PLD1: variants seen among roughly 807,000 people sequenced by gnomAD.
PLD1 encodes the protein phospholipase D1.
Under a neutral mutation model 137.1 loss-of-function variants are expected in PLD1, and 112 were observed. The ratio of observed to expected loss-of-function variants is 0.82; its 90% CI spans 0.70 to 0.96. The LOEUF (loss-of-function observed/expected upper bound fraction) is 0.96, where lower values mean the gene tolerates loss of function less well. Among genes scored for constraint, PLD1 ranks in the 40% least tolerant of loss-of-function variants. The pLI, the probability that PLD1 is intolerant of heterozygous loss-of-function variation, is 0.00. For synonymous variants in PLD1, 431 were observed against 454.7 expected (o/e 0.95, Z 0.66); for missense variants, 1,321 against 1,342.0 (o/e 0.98, Z 0.24).
Position 171,725,624 on chromosome 3 carries a change from A to G in PLD1, c.665+394T>C, listed in dbSNP as rs999724889. Among the ~76,000 whole-genome samples the G allele has an allele frequency of 4.6e-5, 7 of 152,352 alleles. No individual in the cohort carries two copies. The South Asian group carries it at 1.2e-3, about 27-fold the overall frequency. On this transcript the variant is annotated intron_variant, in intron 7 of 26. Transcript: ENST00000351298. ...ATAAACTTTCATCTGGCTATAAAACATATTTTACATAGTATTATTTTAAAA... is the reference window on the plus strand; with the variant it reads ...ATAAACTTTCATCTGGCTATAAAACGTATTTTACATAGTATTATTTTAAAA...
At chr3:171,753,229 GC>G (rs1720783206) in intron 1 of PLD1, among the ~76,000 whole-genome samples, 1 of 152,210 alleles carries the variant, frequency 6.6e-6, no homozygotes, top group African/African-American at 2.4e-5. Context: ...TTCAACCGCT[GC>G]TCCTATGCAT....
chr3:171,645,478 A>G, intron 21 of PLD1, among the ~76,000 whole-genome samples: 1 of 152,216 alleles, frequency 6.6e-6, no homozygotes, highest in East Asian at 1.9e-4. Flanking sequence ...CCTAGATCGC[A>G]GGGGCAAAAA....
chr3:171,665,517 T>G (rs1239101263), intron 19 of PLD1, among the ~76,000 whole-genome samples: 1 of 152,084 alleles, frequency 6.6e-6, no homozygotes, highest in Non-Finnish European at 1.5e-5. Context: ...CTGGCCAACA[T>G]GGCGAAACCC....
At chr3:171,738,301 GAGAAAAAAAAA>G (rs1182016570) in intron 1 of PLD1, among the ~76,000 whole-genome samples, 13 of 138,710 alleles carry the variant, frequency 9.4e-5, no homozygotes, top group East Asian at 8.3e-4. Flanking sequence ...TTGAAAACAA[GAGAAAAAAAAA>G]AGAAAAAAAA....
intron 1 of PLD1, among the ~76,000 whole-genome samples, chr3:171,804,906 C>G (rs1723787479): frequency 6.6e-6 from 1 of 152,162 alleles, no homozygotes; most frequent in African/African-American, 2.4e-5. Flanking sequence ...TATCTGTGGC[C>G]CTCTGCCAAT....
At chr3:171,647,174 C>T (rs745400342) in intron 21 of PLD1, among the ~76,000 whole-genome samples, 2 of 152,132 alleles carry the variant, frequency 1.3e-5, no homozygotes, top group East Asian at 3.8e-4. Flanking sequence ...TTGGTAGTAC[C>T]CAATCAAAGA....
rs79146284 is a variant in PLD1 at position 171,606,621 on chromosome 3, A to G, written c.2883-1205T>C. Among the ~76,000 whole-genome samples, 1,465 of 152,236 alleles carry G rather than the reference A, an allele frequency of 9.6e-3. 10 individuals are homozygous for G. The highest frequency in any genetic ancestry group is 0.032 in the African/African-American group (1,347 of 41,530). ...GAAGTATGTCAAGGAGAACTGTCCA[A>G]TTCAGATAAGAATTGACCACCGGCT... On this transcript the variant is annotated intron_variant, in intron 25 of 26. Coordinates refer to ENST00000351298, the MANE Select transcript of PLD1 (RefSeq NM_002662.5).
intron 6 of PLD1, among the ~76,000 whole-genome samples, chr3:171,731,701 G>A (rs1450295485): frequency 6.6e-6 from 1 of 152,044 alleles, no homozygotes; most frequent in Non-Finnish European, 1.5e-5. Context: ...GAACCCGGGA[G>A]GCGGCGGTTG....
chr3:171,680,851 C>T (rs1197270575), intron 16 of PLD1, among the ~76,000 whole-genome samples: 1 of 152,190 alleles, frequency 6.6e-6, no homozygotes, highest in African/African-American at 2.4e-5. Flanking sequence ...GCTGATTCTG[C>T]TTTTGGAAAA....
chr3:171,719,933 G>A (rs1448696453), intron 8 of PLD1, among the ~76,000 whole-genome samples: 1 of 151,820 alleles, frequency 6.6e-6, no homozygotes, highest in African/African-American at 2.4e-5. Flanking sequence ...TATTTTTATG[G>A]GTACAAATGA....
chr3:171,659,513 T>C (rs917334165), intron 20 of PLD1, among the ~76,000 whole-genome samples: 1 of 152,232 alleles, frequency 6.6e-6, no homozygotes, highest in Non-Finnish European at 1.5e-5. Flanking sequence ...CTGTAACACT[T>C]AATCAAGTGG....
At chr3:171,625,695 A>G (rs1734042486) in intron 23 of PLD1, among the ~76,000 whole-genome samples, 1 of 152,204 alleles carries the variant, frequency 6.6e-6, no homozygotes, top group Non-Finnish European at 1.5e-5. Flanking sequence ...GCGGTTCACA[A>G]AAATCCACTG....
chr3:171,773,995 G>A lies in PLD1; in HGVS notation c.-31-35913C>T, dbSNP rs149182521. ...GATCTCCTGACCTCATGATCCGCCCGCCTCGGCCTCCCAAAGTGCTGGGAT... is the reference window on the plus strand; with the variant it reads ...GATCTCCTGACCTCATGATCCGCCCACCTCGGCCTCCCAAAGTGCTGGGAT... On this transcript the variant is annotated intron_variant, in intron 1 of 26. Transcript: ENST00000351298. Among the ~76,000 whole-genome samples, 682 of 152,200 alleles carry A rather than the reference G, an allele frequency of 4.5e-3. 1 individual carries two copies. The highest frequency in any genetic ancestry group is 0.016 in the African/African-American group (650 of 41,544).
At chr3:171,656,156 T>TTTATTTATTTATTTA (rs1737174560) in intron 21 of PLD1, among the ~76,000 whole-genome samples, 3 of 145,360 alleles carry the variant, frequency 2.1e-5, no homozygotes, top group African/African-American at 7.6e-5. Flanking sequence ...AATACTATAA[T>TTTATTTATTTATTTA]TTTATTTATT....
intron 1 of PLD1, chr3:171,792,294 C>T (rs978218317): frequency 1.0e-5 from 3 of 296,354 alleles, no homozygotes; most frequent in South Asian, 9.2e-5. Context: ...GCCACATATG[C>T]ACCCTGTACC....
chr3:171,739,624 A>G (rs892624578), intron 1 of PLD1, among the ~76,000 whole-genome samples: 1 of 152,202 alleles, frequency 6.6e-6, no homozygotes, highest in African/African-American at 2.4e-5. Flanking sequence ...ATAATTGTTT[A>G]CATACATTGT....
rs1346236188 is a variant in PLD1, at chr3:171,629,885, CG to C, written c.2594-9366del. On this transcript the variant is annotated intron_variant, in intron 23 of 26. Coordinates refer to ENST00000351298, the MANE Select transcript of PLD1 (RefSeq NM_002662.5). Reference sequence around the variant, plus strand: ...ATTCAAGATGGATTAAAGACTTAAACGTTAGACCTAAAACCATAAAAACCCT... The same window carrying C: ...ATTCAAGATGGATTAAAGACTTAAACTTAGACCTAAAACCATAAAAACCCT... 2.6e-5 allele frequency among the ~76,000 whole-genome samples: 4 copies of C among 151,896 alleles called. No individual in the cohort carries two copies. The East Asian group carries it at 7.7e-4, about 29-fold the overall frequency.
chr3:171,760,781 A>T (rs910248749), intron 1 of PLD1, among the ~76,000 whole-genome samples: 2 of 152,230 alleles, frequency 1.3e-5, no homozygotes, highest in African/African-American at 4.8e-5. Context: ...AGAGAATCAC[A>T]TGCATGAGTT....
chr3:171,733,260 G>A (rs112076158), intron 6 of PLD1, among the ~76,000 whole-genome samples, 184 bp downstream of exon 6: 339 of 152,288 alleles, frequency 2.2e-3, no homozygotes, highest in African/African-American at 7.7e-3. Flanking sequence ...TTAAAACAGC[G>A]TCACACCACT....
Sources: allele counts gnomAD v4.1 joint callset (sites outside exome capture counted in the v4.1 genomes callset), GRCh38; gene constraint gnomAD v4.1.1; transcripts MANE v1.5; gene names NCBI Gene and HGNC (gene_info 2026-07-23, HGNC 2026-07-21).